The following BACH2 variants were observed in gnomAD, a reference collection of about 807,000 sequenced individuals.
BACH2 encodes BACH transcriptional regulator 2.
Under a neutral mutation model 61.8 loss-of-function variants are expected in BACH2, and 5 were observed. The ratio of observed to expected loss-of-function variants is 0.08; its 90% confidence interval spans 0.04 to 0.17. The LOEUF (loss-of-function observed/expected upper bound fraction) is 0.17. Ranked by LOEUF, BACH2 falls within the 10% of genes least tolerant of loss-of-function variation. The probability of loss-of-function intolerance (pLI) is 1.00; values close to 1 mark genes in which losing one functional copy is unlikely to be tolerated. For synonymous variants in BACH2, 446 were observed against 440.1 expected, an observed-to-expected ratio of 1.01 and a Z score of -0.17; for missense variants, 824 against 1,091.1, an observed-to-expected ratio of 0.76 and a Z score of 3.45.
chr6:90,284,581 A>C (rs1351373383), intron 1 of BACH2, among the ~76,000 whole-genome samples: 1 of 152,202 alleles, frequency 6.6e-6, no homozygotes, highest in Non-Finnish European at 1.5e-5. Context: ...CAGCCCCGAC[A>C]GGAGATGCTT....
intron 4 of BACH2, among the ~76,000 whole-genome samples, chr6:90,182,316 T>C (rs761425563): frequency 6.6e-6 from 1 of 152,218 alleles, no homozygotes; most frequent in South Asian, 2.1e-4. Context: ...GCCCATCACA[T>C]ACTGTTCCTT....
chr6:90,029,951 G>A (rs991651022), intron 5 of BACH2, among the ~76,000 whole-genome samples: 8 of 152,240 alleles, frequency 5.3e-5, no homozygotes, highest in Non-Finnish European at 1.0e-4. Context: ...GATTGACACA[G>A]TGAAGGAAAA....
At chr6:90,011,436 C>A (rs755296397) in intron 5 of BACH2, among the ~76,000 whole-genome samples, 10 of 148,188 alleles carry the variant, frequency 6.7e-5, no homozygotes, top group Non-Finnish European at 1.2e-4. Flanking sequence ...TGGAGACAAA[C>A]CTTGCTTATT....
chr6:90,010,478 CT>C lies in BACH2; in HGVS notation c.-12-1623del, dbSNP rs909600542. Among the ~76,000 whole-genome samples the C allele has an allele frequency of 2.0e-5, 3 of 151,690 alleles. 1 individual carries two copies. The highest frequency in any genetic ancestry group is 4.8e-5 in the African/African-American group (2 of 41,398). ...ATCCTATTGTATAAATATAGCGTAACTTTTTTTTTATCCATTCATCTATTAG... is the reference window on the plus strand; with the variant it reads ...ATCCTATTGTATAAATATAGCGTAACTTTTTTTTATCCATTCATCTATTAG... On this transcript the variant is annotated intron_variant, in intron 5 of 8. Coordinates refer to ENST00000257749, the MANE Select transcript of BACH2 (RefSeq NM_021813.4).
chr6:89,981,124 C>T (rs80282109), intron 6 of BACH2, among the ~76,000 whole-genome samples: 5,520 of 148,734 alleles, frequency 0.037, 291 homozygotes, highest in Admixed American at 0.15. Flanking sequence ...TAGGGTTCAT[C>T]GTGATTCGCT....
chr6:89,976,444 C>T (rs1299716742), intron 6 of BACH2, among the ~76,000 whole-genome samples: 2 of 152,348 alleles, frequency 1.3e-5, no homozygotes, highest in East Asian at 3.9e-4. Context: ...CCAAAACAAA[C>T]TTGAAAGATA....
intron 4 of BACH2, among the ~76,000 whole-genome samples, chr6:90,195,077 T>C (rs1768710996): frequency 6.6e-6 from 1 of 152,214 alleles, no homozygotes; most frequent in South Asian, 2.1e-4. Flanking sequence ...GGAATTCACC[T>C]TGTGCCTTCC....
At chr6:89,947,919 G>A (rs567279663) in intron 7 of BACH2, among the ~76,000 whole-genome samples, 7 of 152,096 alleles carry the variant, frequency 4.6e-5, no homozygotes, top group South Asian at 2.1e-4. Flanking sequence ...TAAAAGTAGC[G>A]GTATTTCTCA....
At chr6:90,073,532 A>G (rs1781335773) in intron 5 of BACH2, among the ~76,000 whole-genome samples, 1 of 152,202 alleles carries the variant, frequency 6.6e-6, no homozygotes, top group African/African-American at 2.4e-5. Flanking sequence ...AGAGGTTAAT[A>G]CTAAGTCAGC....
chr6:90,248,770 C>T (rs925555184), intron 3 of BACH2, among the ~76,000 whole-genome samples: 14 of 152,136 alleles, frequency 9.2e-5, no homozygotes, highest in Non-Finnish European at 1.8e-4. Flanking sequence ...TCAGCAGACT[C>T]CCACCAACTC....
At chr6:89,964,547 TA>T (rs1774942405) in intron 6 of BACH2, among the ~76,000 whole-genome samples, 3 of 152,234 alleles carry the variant, frequency 2.0e-5, no homozygotes, top group African/African-American at 7.2e-5. Context: ...CGCTTTCTTC[TA>T]AAGATCTTCT....
At chr6:90,225,664 A>G (rs60066732) in intron 3 of BACH2, among the ~76,000 whole-genome samples, 41,410 of 151,984 alleles carry the variant, frequency 0.27, 6,353 homozygotes, top group Non-Finnish European at 0.35. Context: ...TGCATTTGGG[A>G]CTTAATACCT....
At chr6:90,200,110 T>C (rs1300364221) in intron 4 of BACH2, among the ~76,000 whole-genome samples, 1 of 152,232 alleles carries the variant, frequency 6.6e-6, no homozygotes, top group African/African-American at 2.4e-5. Context: ...CCAGAAGTGA[T>C]GTCATTGCAT....
chr6:90,230,831 A>T (rs1304216826), intron 3 of BACH2, among the ~76,000 whole-genome samples: 1 of 152,180 alleles, frequency 6.6e-6, no homozygotes, highest in Non-Finnish European at 1.5e-5. Flanking sequence ...TTTGCTCAAG[A>T]TCACAGTGTG....
At position 90,216,518 on chromosome 6, in the gene BACH2, T is replaced by A. The variant is rs547409719; in HGVS notation, c.-274-9837A>T. 3.3e-5 allele frequency among the ~76,000 whole-genome samples: 5 copies of A among 152,064 alleles called. 1 individual carries two copies. In the South Asian group the frequency reaches 1.0e-3, roughly 32 times the overall value. ...CACTGGGAAACTCACTGTAAGGGAG[T>A]CCTGAGGGGATCCACCTGCTAAGGT... On this transcript the variant is annotated intron_variant, in intron 3 of 8. Coordinates refer to ENST00000257749, the MANE Select transcript of BACH2 (RefSeq NM_021813.4).
At position 89,929,922 on chromosome 6, in the gene BACH2, C is replaced by T. The variant is rs116776221; in HGVS notation, c.*2486G>A. ...GAGTTAAAAAGCAAAATACTGTCAG[C>T]TGACTCCACTGTAACACACGCCTGC... On this transcript the variant is annotated 3_prime_UTR_variant, in exon 9 of 9. Coordinates refer to ENST00000257749, the MANE Select transcript of BACH2 (RefSeq NM_021813.4). The T allele has an allele frequency of 6.5e-3, 990 of 152,394 alleles. 13 individuals are homozygous for T. The highest frequency in any genetic ancestry group is 0.023 in the African/African-American group (950 of 41,534). 9.4% of individuals were successfully genotyped at this position (152,394 alleles called of 1,614,324 possible). A position where few individuals can be genotyped will look rare whatever the true frequency, so the allele number is the denominator to read the frequency against.
At chr6:90,253,549 T>C (rs1191539252) in intron 2 of BACH2, among the ~76,000 whole-genome samples, 1 of 152,186 alleles carries the variant, frequency 6.6e-6, no homozygotes, top group Non-Finnish European at 1.5e-5. Flanking sequence ...CAATCTGTAA[T>C]TACATGGGGA....
At chr6:90,057,924 G>A (rs897931545) in intron 5 of BACH2, among the ~76,000 whole-genome samples, 159 of 152,172 alleles carry the variant, frequency 1.0e-3, no homozygotes, top group African/African-American at 3.8e-3. Flanking sequence ...ATTCAACAAT[G>A]CTTCATGCTA....
At chr6:90,042,194 T>C (rs949617282) in intron 5 of BACH2, among the ~76,000 whole-genome samples, 4 of 152,076 alleles carry the variant, frequency 2.6e-5, no homozygotes, top group African/African-American at 4.8e-5. Flanking sequence ...AATAATTCTT[T>C]TTATTTTTAT....
Sources: gnomAD v4.1 joint callset for allele counts (sites outside exome capture counted in the v4.1 genomes callset) on GRCh38, gnomAD v4.1.1 for gene constraint, MANE v1.5 for transcripts, NCBI Gene and HGNC (gene_info 2026-07-23, HGNC 2026-07-21) for gene names.